Variants in ENOX2 observed in about 807,000 individuals in gnomAD.
The protein encoded by ENOX2 is ecto-NOX disulfide-thiol exchanger 2.
A neutral mutation model predicts 45.0 loss-of-function variants in ENOX2; 36 were observed. The ratio of observed to expected loss-of-function variants is 0.80; its 90% CI spans 0.61 to 1.06. The LOEUF is 1.06. ENOX2 is among the 50% of genes least tolerant of loss of function. ENOX2 has a pLI of 0.00. For synonymous variants in ENOX2, 174 were observed against 152.3 expected (o/e 1.14, Z -1.05); for missense variants, 423 against 462.5 (o/e 0.91, Z 0.78).
chrX:130,888,562 G>A (rs1469057080), intron 2 of ENOX2, among the ~76,000 whole-genome samples: 1 of 111,865 alleles, frequency 8.9e-6, no homozygotes. Flanking sequence ...GAGATAATAG[G>A]TATGAAAACC....
At chrX:130,724,044 G>A (rs778996596) in intron 3 of ENOX2, among the ~76,000 whole-genome samples, 3 of 112,236 alleles carry the variant, frequency 2.7e-5, no homozygotes, top group African/African-American at 9.7e-5. Context: ...TCTGCTGACA[G>A]TATTGTAACA....
chrX:130,639,325 G>A (rs1178739862), intron 10 of ENOX2, among the ~76,000 whole-genome samples: 1 of 112,028 alleles, frequency 8.9e-6, no homozygotes, highest in Non-Finnish European at 1.9e-5. Flanking sequence ...GTGTGTGTGT[G>A]TGGGTGGGGG....
At chrX:130,872,829 A>C (rs922209769) in intron 2 of ENOX2, among the ~76,000 whole-genome samples, 25 of 111,957 alleles carry the variant, frequency 2.2e-4, no homozygotes, top group Admixed American at 1.0e-3. Context: ...GTGTTGGGAA[A>C]ACTGGCTAGC....
At chrX:130,856,072 T>C (rs1465722207) in intron 2 of ENOX2, among the ~76,000 whole-genome samples, 1 of 112,123 alleles carries the variant, frequency 8.9e-6, no homozygotes, top group Non-Finnish European at 1.9e-5. Context: ...CACCACCATA[T>C]CCTGCCAAGA....
intron 2 of ENOX2, among the ~76,000 whole-genome samples, chrX:130,875,260 G>C (rs1459550488): frequency 1.9e-5 from 2 of 106,677 alleles, no homozygotes; most frequent in Non-Finnish European, 3.8e-5. Context: ...TGAAATCTAA[G>C]CTGGCTTTTT....
chrX:130,780,597 G>A (rs142393713), intron 3 of ENOX2, among the ~76,000 whole-genome samples: 18 of 111,690 alleles, frequency 1.6e-4, no homozygotes, highest in African/African-American at 5.5e-4. Flanking sequence ...AAAGAAGGGG[G>A]CATTGTTAAT....
intron 3 of ENOX2, among the ~76,000 whole-genome samples, chrX:130,767,937 G>C (rs1430565964): frequency 9.0e-6 from 1 of 111,589 alleles, no homozygotes; most frequent in African/African-American, 3.3e-5. Context: ...ATTTCAGGTA[G>C]AGGGAATGGA....
At chrX:130,705,740 C>G (rs2038020114) in intron 3 of ENOX2, among the ~76,000 whole-genome samples, 1 of 111,423 alleles carries the variant, frequency 9.0e-6, no homozygotes, top group Non-Finnish European at 1.9e-5. Context: ...GCAGAGCCTC[C>G]CACTGACCTG....
At chrX:130,746,659 GAACA>G (rs1312958722) in intron 3 of ENOX2, among the ~76,000 whole-genome samples, 6 of 112,130 alleles carry the variant, frequency 5.4e-5, no homozygotes, top group Admixed American at 1.9e-4. Flanking sequence ...AAGGAAAGCA[GAACA>G]AACAATCAAG....
intron 2 of ENOX2, among the ~76,000 whole-genome samples, chrX:130,792,666 G>A (rs145281620): frequency 0.042 from 4,618 of 110,919 alleles, 124 homozygotes; most frequent in African/African-American, 0.094. Context: ...GGTGGCACGC[G>A]CCTGTAATCC....
chrX:130,802,421 T>G (rs1055341555), intron 2 of ENOX2, among the ~76,000 whole-genome samples: 9 of 112,454 alleles, frequency 8.0e-5, no homozygotes, highest in African/African-American at 2.9e-4. Context: ...ATTCGTTTAG[T>G]GCTATGACTA....
At chrX:130,679,938 T>C (rs1247475067) in intron 5 of ENOX2, among the ~76,000 whole-genome samples, 190 bp from the exon 6 acceptor site, 3 of 111,848 alleles carry the variant, frequency 2.7e-5, no homozygotes, top group African/African-American at 9.7e-5. Flanking sequence ...TTTTATTCAA[T>C]CGTTTGCTGA....
intron 3 of ENOX2, among the ~76,000 whole-genome samples, chrX:130,778,475 A>G (rs1253720261): frequency 1.8e-5 from 2 of 111,834 alleles, no homozygotes; most frequent in Non-Finnish European, 3.8e-5. Context: ...GAGGTCTATG[A>G]TCAAGACTGG....
intron 2 of ENOX2, among the ~76,000 whole-genome samples, chrX:130,838,956 T>C (rs2077970517): frequency 1.8e-5 from 2 of 112,069 alleles, no homozygotes; most frequent in Admixed American, 9.5e-5. Context: ...TTCTTAGCAG[T>C]TGGGATACAT....
chrX:130,711,144 C>G (rs1017029309), intron 3 of ENOX2, among the ~76,000 whole-genome samples: 5 of 112,014 alleles, frequency 4.5e-5, no homozygotes, highest in Non-Finnish European at 9.4e-5. Flanking sequence ...GGAAAGGAAA[C>G]AGTAGAACAA....
chrX:130,884,635 G>A (rs1420531157), intron 2 of ENOX2, among the ~76,000 whole-genome samples: 1 of 110,831 alleles, frequency 9.0e-6, no homozygotes, highest in Non-Finnish European at 1.9e-5. Flanking sequence ...TTTCTTCAGT[G>A]GGACAAAAAG....
chrX:130,659,596 G>A (rs913007897), intron 9 of ENOX2, among the ~76,000 whole-genome samples: 4 of 112,317 alleles, frequency 3.6e-5, no homozygotes, highest in East Asian at 2.8e-4. Context: ...AGCTGTTACC[G>A]GAAAGGTGAT....
chrX:130,817,925 G>A (rs1352345739), intron 2 of ENOX2, among the ~76,000 whole-genome samples: 2 of 111,709 alleles, frequency 1.8e-5, no homozygotes, highest in Admixed American at 9.5e-5. Context: ...AGGGCAATCA[G>A]GCAAGAGAAA....
intron 3 of ENOX2, among the ~76,000 whole-genome samples, chrX:130,726,349 T>A (rs926238140): frequency 1.8e-5 from 2 of 112,065 alleles, no homozygotes; most frequent in Non-Finnish European, 3.8e-5. Context: ...ACAGTGAAAG[T>A]AATGGCTGGG....
Sources: allele counts gnomAD v4.1 joint callset (sites outside exome capture counted in the v4.1 genomes callset), GRCh38; gene constraint gnomAD v4.1.1; transcripts MANE v1.5; gene names NCBI Gene and HGNC (gene_info 2026-07-23, HGNC 2026-07-21).